The following NUP155 variants were observed in gnomAD, a reference collection of about 807,000 sequenced individuals.
NUP155 encodes nucleoporin 155, also known as nuclear pore complex protein Nup155.
A neutral mutation model predicts 180.4 loss-of-function variants in NUP155; 71 were observed. The observed-to-expected ratio is 0.39, with a 90% confidence interval of 0.33 to 0.48. The LOEUF (loss-of-function observed/expected upper bound fraction) is 0.48, where lower values mean the gene tolerates loss of function less well. NUP155 is among the 20% of genes least tolerant of loss of function. The pLI is 0.91. For synonymous variants in NUP155, 582 were observed against 559.5 expected (o/e 1.04, Z -0.57); for missense variants, 1,553 against 1,648.9 (o/e 0.94, Z 1.01).
rs1328426914 is a variant in NUP155, at chr5:37,290,610, A to G, written c.*1290T>C. On this transcript the variant is annotated 3_prime_UTR_variant, in exon 35 of 35. Coordinates refer to ENST00000231498, the MANE Select transcript of NUP155 (RefSeq NM_153485.3). ...TCTATTTTGTTAAGGAATAATTAAA[A>G]AGTACATTACTAACAGTTTTGCTTT... is the stretch of plus-strand genomic sequence containing the variant. 1 of 152,252 alleles carries G rather than the reference A, an allele frequency of 6.6e-6. No individual in the cohort carries two copies. The highest frequency in any genetic ancestry group is 1.5e-5 in the Non-Finnish European group (1 of 68,048). 9.4% of individuals were successfully genotyped at this position (152,252 alleles called of 1,614,324 possible). A position where few individuals can be genotyped will look rare whatever the true frequency, so the allele number is the denominator to read the frequency against.
intron 1 of NUP155, among the ~76,000 whole-genome samples, chr5:37,364,920 G>T (rs2111730148): frequency 6.6e-6 from 1 of 151,940 alleles, no homozygotes; most frequent in South Asian, 2.1e-4. Flanking sequence ...ACAGGTGTGA[G>T]CCACCGTGCC....
At chr5:37,332,263 A>C (rs530175782) in intron 13 of NUP155, among the ~76,000 whole-genome samples, 60 of 147,226 alleles carry the variant, frequency 4.1e-4, no homozygotes, top group Non-Finnish European at 6.4e-4. Context: ...AAATAAAACT[A>C]TCATAATATT....
intron 30 of NUP155, 27 bp downstream of exon 30, chr5:37,301,410 T>C (rs1301789028): frequency 6.7e-7 from 1 of 1,500,830 alleles, no homozygotes; most frequent in Non-Finnish European, 9.3e-7. Flanking sequence ...GTAACTACTA[T>C]AAAAATTTCA....
At chr5:37,322,290 A>G (rs780050915) in intron 20 of NUP155, among the ~76,000 whole-genome samples, 4 of 152,192 alleles carry the variant, frequency 2.6e-5, no homozygotes, top group Non-Finnish European at 4.4e-5. Flanking sequence ...CCTGGCCTAC[A>G]TATGCTTTAA....
intron 33 of NUP155, among the ~76,000 whole-genome samples, chr5:37,294,042 G>T (rs1742386505): frequency 1.4e-5 from 2 of 142,094 alleles, no homozygotes; most frequent in South Asian, 2.3e-4. Flanking sequence ...AGCAAATGAT[G>T]ATTCTTAATG....
At chr5:37,354,358 T>G (rs1746668739) in intron 4 of NUP155, among the ~76,000 whole-genome samples, 1 of 152,140 alleles carries the variant, frequency 6.6e-6, no homozygotes, top group African/African-American at 2.4e-5. Context: ...GTGGTCAGGC[T>G]TGTCTCGAAT....
chr5:37,314,797 C>A (rs1389050118), intron 21 of NUP155, among the ~76,000 whole-genome samples: 1 of 151,278 alleles, frequency 6.6e-6, no homozygotes, highest in African/African-American at 2.4e-5. Flanking sequence ...GAGCAAGACT[C>A]CATCTCCAAA....
intron 23 of NUP155, 28 bp downstream of exon 23, chr5:37,310,524 C>A (rs762951890): frequency 1.9e-6 from 3 of 1,570,906 alleles, no homozygotes; most frequent in East Asian, 2.2e-5. Context: ...TTATAACAAA[C>A]AATGAAATAG....
At chr5:37,370,788 T>C in intron 1 of NUP155, 33 bp downstream of exon 1, 1 of 1,613,940 alleles carries the variant, frequency 6.2e-7, no homozygotes, top group Non-Finnish European at 8.5e-7. Flanking sequence ...CGAGAGTCCT[T>C]TAGGTTGAGA....
chr5:37,313,126 T>C (rs187740708), intron 22 of NUP155, among the ~76,000 whole-genome samples: 111 of 152,174 alleles, frequency 7.3e-4, no homozygotes, highest in African/African-American at 2.6e-3. Flanking sequence ...GTGATAAATA[T>C]CTTCCTTTAA....
At chr5:37,364,049 G>A (rs1747388759) in intron 2 of NUP155, 65 bp from the exon 3 acceptor site, 3 of 1,308,704 alleles carry the variant, frequency 2.3e-6, no homozygotes, top group Admixed American at 1.7e-5. Context: ...TGTTTCAATA[G>A]CTTTTGACTT....
intron 31 of NUP155, 52 bp from the exon 32 acceptor site, chr5:37,299,030 T>C (rs1373258931): frequency 1.0e-6 from 1 of 971,018 alleles, no homozygotes; most frequent in Non-Finnish European, 1.7e-6. Context: ...TAATGTGAAA[T>C]GTTTACATTG....
At chr5:37,328,294 T>G in intron 17 of NUP155, 64 bp downstream of exon 17, 1 of 1,170,628 alleles carries the variant, frequency 8.5e-7, no homozygotes, top group Non-Finnish European at 1.3e-6. Flanking sequence ...CACTAAGCAT[T>G]AAGGTTAACT....
intron 9 of NUP155, 134 bp downstream of exon 9, chr5:37,348,371 A>C: frequency 2.9e-6 from 2 of 693,064 alleles, no homozygotes; most frequent in African/African-American, 1.8e-5. Flanking sequence ...CATAATGTAG[A>C]GTGTCATCTC....
intron 21 of NUP155, 62 bp from the exon 22 acceptor site, chr5:37,314,390 TA>T: frequency 7.8e-7 from 1 of 1,282,022 alleles, no homozygotes; most frequent in South Asian, 1.3e-5. Context: ...TTATTTCAAA[TA>T]AAAACTGTAG....
intron 4 of NUP155, among the ~76,000 whole-genome samples, chr5:37,354,515 G>A (rs1167315547): frequency 1.4e-5 from 2 of 146,926 alleles, no homozygotes; most frequent in African/African-American, 5.1e-5. Flanking sequence ...CTGGAGTGCA[G>A]TGGCAGAATC....
rs12518867 is a variant in NUP155, at chr5:37,299,692, A to C, written c.3562-124T>G. 108,718 of 1,001,364 alleles carry C rather than the reference A, an allele frequency of 0.11. 6,439 individuals carry two copies. The highest frequency in any genetic ancestry group is 0.17 in the Admixed American group (8,312 of 49,884). The allele number at this position is 1,001,364 out of a possible 1,614,324, so 62.0% of individuals were successfully genotyped here. On this transcript the variant is annotated intron_variant, in intron 30 of 34. Coordinates refer to ENST00000231498, the MANE Select transcript of NUP155 (RefSeq NM_153485.3). ...TTACATAAAGTTTCTGAAATATGAT[A>C]TAAAGATGTGATGATGTATGTAGCT...
chr5:37,314,861 T>C (rs1743784075), intron 21 of NUP155, among the ~76,000 whole-genome samples: 1 of 151,986 alleles, frequency 6.6e-6, no homozygotes, highest in Non-Finnish European at 1.5e-5. Flanking sequence ...ATTTACAAAA[T>C]GATGAATAGA....
intron 32 of NUP155, among the ~76,000 whole-genome samples, chr5:37,297,456 G>T (rs1262376680): frequency 3.3e-5 from 5 of 152,106 alleles, no homozygotes; most frequent in African/African-American, 9.7e-5. Context: ...TCAGCTCACT[G>T]CAGTTTTCAC....
Sources: gnomAD v4.1 joint callset for allele counts (sites outside exome capture counted in the v4.1 genomes callset) on GRCh38, gnomAD v4.1.1 for gene constraint, MANE v1.5 for transcripts, NCBI Gene and HGNC (gene_info 2026-07-23, HGNC 2026-07-21) for gene names.